Variants in GPR141 observed in about 807,000 individuals in gnomAD.
The protein encoded by GPR141 is G protein-coupled receptor 141.
In GPR141, 6 loss-of-function variants were observed where a neutral mutation model predicts 6.8. The ratio of observed to expected loss-of-function variants is 0.88; its 90% CI spans 0.48 to 1.74. The LOEUF (loss-of-function observed/expected upper bound fraction) is 1.74. Among genes scored for constraint, GPR141 ranks in the 40% most tolerant of loss-of-function variants. GPR141 has a pLI of 0.01. For missense variants in GPR141, 372 were observed against 372.9 expected, an observed-to-expected ratio of 1.00 and a Z score of 0.02; for synonymous variants, 140 against 142.3, an observed-to-expected ratio of 0.98 and a Z score of 0.11.
At chr7:37,739,476 G>A (rs1812421170) in intron 2 of GPR141, among the ~76,000 whole-genome samples, 1 of 152,180 alleles carries the variant, frequency 6.6e-6, no homozygotes, top group Admixed American at 6.5e-5. Flanking sequence ...GAACATTCCA[G>A]ACATGTAAGG....
intron 2 of GPR141, among the ~76,000 whole-genome samples, chr7:37,692,858 G>C (rs548106897): frequency 2.6e-5 from 4 of 151,950 alleles, no homozygotes; most frequent in African/African-American, 9.7e-5. Flanking sequence ...GTTTTTTCTT[G>C]TAAATTTGTT....
chr7:37,708,819 A>G (rs1810658985), intron 2 of GPR141, among the ~76,000 whole-genome samples: 1 of 152,190 alleles, frequency 6.6e-6, no homozygotes, highest in Non-Finnish European at 1.5e-5. Context: ...AACATTTCAT[A>G]GATTACAATG....
chr7:37,706,958 C>G lies in GPR141; in HGVS notation c.-15+21375C>G, dbSNP rs1022588945. Among the ~76,000 whole-genome samples, 4 of 152,182 alleles carry G rather than the reference C, an allele frequency of 2.6e-5. No homozygotes were observed. In the South Asian group the frequency reaches 6.2e-4, roughly 24 times the overall value. The stretch of plus-strand genomic sequence containing the variant: ...TCTCTCCTGAGAGCAACCACCCACC[C>G]AGCTGGTACGTTTTCTTCTCTTCCA... On this transcript the variant is annotated intron_variant, in intron 2 of 2. Transcript: ENST00000334425.
chr7:37,718,913 A>T (rs920370898), intron 2 of GPR141, among the ~76,000 whole-genome samples: 3 of 152,000 alleles, frequency 2.0e-5, no homozygotes, highest in African/African-American at 7.2e-5. Flanking sequence ...CAGGGCTCAC[A>T]TTTGTTTTAT....
chr7:37,728,199 T>C (rs1295137962), intron 2 of GPR141, among the ~76,000 whole-genome samples: 1 of 152,254 alleles, frequency 6.6e-6, no homozygotes, highest in East Asian at 1.9e-4. Flanking sequence ...TTCTGAATTC[T>C]TGCAGCATTT....
chr7:37,732,974 A>G (rs770891316), intron 2 of GPR141, among the ~76,000 whole-genome samples: 3 of 152,200 alleles, frequency 2.0e-5, no homozygotes, highest in Non-Finnish European at 4.4e-5. Flanking sequence ...TAGGCTTTAA[A>G]GTCAGGCAGA....
intron 2 of GPR141, among the ~76,000 whole-genome samples, chr7:37,711,946 A>G (rs1384195944): frequency 1.3e-5 from 2 of 152,230 alleles, no homozygotes; most frequent in Non-Finnish European, 2.9e-5. Flanking sequence ...TCTGTATGGT[A>G]AAAATAGATG....
At chr7:37,702,389 A>C (rs1305673216) in intron 2 of GPR141, among the ~76,000 whole-genome samples, 1 of 128,720 alleles carries the variant, frequency 7.8e-6, no homozygotes, top group Admixed American at 7.9e-5. Context: ...TCCTTCCTTC[A>C]TTTCTTTTTT....
chr7:37,691,287 C>CTT lies in GPR141; in HGVS notation c.-15+5704_-15+5705insTT, dbSNP rs1562764851. ...TTTAACCTAGTTACCCAGTCTATAT[C>CTT]CTTTTTTTTTTTTTTTTTTTTTTTT... On this transcript the variant is annotated intron_variant, in intron 2 of 2. Transcript: ENST00000334425. 9.5e-3 allele frequency among the ~76,000 whole-genome samples: 890 copies of CTT among 93,648 alleles called. 26 individuals are homozygous for CTT. The highest frequency in any genetic ancestry group is 0.014 in the African/African-American group (317 of 22,444). The allele number at this position is 93,648 out of a possible 152,430, so 61.4% of individuals were successfully genotyped here.
chr7:37,734,933 C>G (rs146978791), intron 2 of GPR141, among the ~76,000 whole-genome samples: 319 of 152,272 alleles, frequency 2.1e-3, no homozygotes, highest in Non-Finnish European at 3.9e-3. Context: ...AATAACAGTA[C>G]TATAACATAT....
At chr7:37,717,129 A>T (rs1436067828) in intron 2 of GPR141, among the ~76,000 whole-genome samples, 1 of 152,224 alleles carries the variant, frequency 6.6e-6, no homozygotes, top group African/African-American at 2.4e-5. Context: ...CTTGCTAATT[A>T]TGTGTGTCTT....
At position 37,741,419 on chromosome 7, in the gene GPR141, T is replaced by A; in HGVS notation, c.*108T>A. 3.7e-6 allele frequency: 3 copies of A among 807,394 alleles called. No homozygotes were observed. Among genetic ancestry groups the A allele is most frequent in the Non-Finnish European group, 5.8e-6 (3 of 516,990 alleles). 50.0% of individuals were successfully genotyped at this position (807,394 alleles called of 1,614,324 possible). On this transcript the variant is annotated 3_prime_UTR_variant, in exon 3 of 3. Coordinates refer to ENST00000334425, the MANE Select transcript of GPR141 (RefSeq NM_001381946.1). Reference sequence around the variant, plus strand: ...ACTTGATCAAAACCATGCCTTGATGTACCCAAAACAAAAGGACTATAAAAT... The same window carrying A: ...ACTTGATCAAAACCATGCCTTGATGAACCCAAAACAAAAGGACTATAAAAT...
chr7:37,727,774 C>T (rs1811704828), intron 2 of GPR141, among the ~76,000 whole-genome samples: 1 of 152,198 alleles, frequency 6.6e-6, no homozygotes, highest in African/African-American at 2.4e-5. Flanking sequence ...TTGAATAACC[C>T]TTTGCCAACT....
intron 2 of GPR141, among the ~76,000 whole-genome samples, chr7:37,702,790 A>G (rs1810344022): frequency 8.1e-6 from 1 of 122,982 alleles, no homozygotes; most frequent in Non-Finnish European, 1.7e-5. Context: ...ATAAAAAATT[A>G]AAACCCAGTT....
In GPR141 at chr7:37,743,508, A is replaced by G. The variant is rs1162060769; in HGVS notation, c.*2197A>G. On this transcript the variant is annotated 3_prime_UTR_variant, in exon 3 of 3. Coordinates refer to ENST00000334425, the MANE Select transcript of GPR141 (RefSeq NM_001381946.1). ...TAAAATTTGTAAGACCGTTACTAAG[A>G]CCCCTGATAGTTTTAAGAAAATTTA... Among the ~76,000 whole-genome samples, 2 of 151,472 alleles carry G rather than the reference A, an allele frequency of 1.3e-5. No homozygotes were observed. Among genetic ancestry groups the G allele is most frequent in the East Asian group, 3.9e-4 (2 of 5,176 alleles).
At chr7:37,730,603 A>G (rs562205855) in intron 2 of GPR141, among the ~76,000 whole-genome samples, 15 of 152,282 alleles carry the variant, frequency 9.9e-5, no homozygotes, top group Admixed American at 9.8e-4. Context: ...CATCAGTTGC[A>G]CTTGTTTTTG....
intron 2 of GPR141, among the ~76,000 whole-genome samples, chr7:37,717,539 G>A (rs1811104647): frequency 6.6e-6 from 1 of 152,084 alleles, no homozygotes; most frequent in Non-Finnish European, 1.5e-5. Flanking sequence ...GGCTCATGCT[G>A]TCCATCCCTG....
At chr7:37,733,888 T>G (rs1195499862) in intron 2 of GPR141, among the ~76,000 whole-genome samples, 1 of 152,172 alleles carries the variant, frequency 6.6e-6, no homozygotes, top group Non-Finnish European at 1.5e-5. Flanking sequence ...TTAATCAATA[T>G]TGGCCGAGTA....
At chr7:37,722,924 T>TTCCTTCCC (rs1811411959) in intron 2 of GPR141, among the ~76,000 whole-genome samples, 3 of 19,680 alleles carry the variant, frequency 1.5e-4, no homozygotes, top group African/African-American at 2.9e-4. Flanking sequence ...TCTTTTTCCT[T>TTCCTTCCC]TCCTTCCTTC....
Sources: gnomAD v4.1 joint callset for allele counts (sites outside exome capture counted in the v4.1 genomes callset) on GRCh38, gnomAD v4.1.1 for gene constraint, MANE v1.5 for transcripts, NCBI Gene and HGNC (gene_info 2026-07-23, HGNC 2026-07-21) for gene names.